The following CYREN variants were observed in gnomAD, a reference collection of about 807,000 sequenced individuals.
The protein encoded by CYREN is cell cycle regulator of NHEJ.
Under a neutral mutation model 9.7 loss-of-function variants are expected in CYREN, and 7 were observed. That is an observed-to-expected ratio of 0.72 (90% CI 0.41 to 1.36). The LOEUF is 1.36. Ranked by LOEUF, CYREN falls within the 40% of genes most tolerant of loss-of-function variation. The probability of loss-of-function intolerance (pLI) is 0.01; values close to 1 mark genes in which losing one functional copy is unlikely to be tolerated. For missense variants in CYREN, 215 were observed against 198.1 expected, an observed-to-expected ratio of 1.09 and a Z score of -0.51; for synonymous variants, 76 against 77.9, an observed-to-expected ratio of 0.98 and a Z score of 0.13.
At chr7:135,119,575 A>G (rs1826832897) in intron 2 of CYREN, among the ~76,000 whole-genome samples, 1 of 151,636 alleles carries the variant, frequency 6.6e-6, no homozygotes, top group African/African-American at 2.4e-5. Context: ...AAAAGAAAAA[A>G]CTATCGAAAG....
At chr7:135,126,051 A>G (rs1827827129) in intron 2 of CYREN, among the ~76,000 whole-genome samples, 1 of 152,212 alleles carries the variant, frequency 6.6e-6, no homozygotes, top group Admixed American at 6.5e-5. Context: ...CAGGGCAATC[A>G]GGCAAGAGAA....
intron 2 of CYREN, among the ~76,000 whole-genome samples, chr7:135,127,040 C>T (rs1827971737): frequency 6.6e-6 from 1 of 152,272 alleles, no homozygotes; most frequent in Admixed American, 6.5e-5. Flanking sequence ...TACTAAAGAG[C>T]TTCTGCATAG....
chr7:135,122,865 A>C (rs1827333326), intron 2 of CYREN, among the ~76,000 whole-genome samples: 1 of 152,182 alleles, frequency 6.6e-6, no homozygotes, highest in African/African-American at 2.4e-5. Context: ...ACAACAAACA[A>C]GCCCCCAGAA....
chr7:135,169,179 C>T lies in CYREN; in HGVS notation c.-138-119G>A, dbSNP rs566990691. ...CCCAAGAGACTCAGACGGCCATTCA[C>T]AGGCATCAGGCAGGTGTGATTGTGG... On this transcript the variant is annotated intron_variant, in intron 1 of 3. Transcript: ENST00000393114. The T allele has an allele frequency of 2.3e-5, 8 of 353,362 alleles. No individual in the cohort carries two copies. In the East Asian group the frequency reaches 4.2e-4, roughly 18 times the overall value. The allele number at this position is 353,362 out of a possible 1,614,324, so 21.9% of individuals were successfully genotyped here.
In CYREN at chr7:135,169,042, G is replaced by A; in HGVS notation, c.-120C>T. The A allele has an allele frequency of 1.1e-6, 1 of 949,160 alleles. No individual in the cohort carries two copies. The allele number at this position is 949,160 out of a possible 1,614,324, so 58.8% of individuals were successfully genotyped here. ...AATTACAGGTCCATTTGTCCTCAGT[G>A]GGAGTTGATCTTTGATTCCTACAAA... On this transcript the variant is annotated 5_prime_UTR_variant, in exon 2 of 4. Transcript: ENST00000393114.
rs370203373 is a variant in CYREN at position 135,123,414 on chromosome 7, A to G, written n.357-28832T>C. The stretch of plus-strand genomic sequence containing the variant: ...ACTTCATAAAAAGACTAAACCTACG[A>G]TTGATCAGAGTACCTGAGGGAGACG... On this transcript the variant is annotated intron_variant and non_coding_transcript_variant, in intron 2 of 2. Transcript: ENST00000459937. Among the ~76,000 whole-genome samples the G allele has an allele frequency of 2.8e-4, 42 of 152,320 alleles. No homozygotes were observed. The East Asian group carries it at 3.3e-3, about 12-fold the overall frequency.
intron 2 of CYREN, among the ~76,000 whole-genome samples, chr7:135,105,743 AT>A (rs376819913): frequency 1.9e-4 from 29 of 152,162 alleles, no homozygotes; most frequent in African/African-American, 7.0e-4. Context: ...TTTCCATATG[AT>A]TTTTACAATA....
chr7:135,141,219 T>G (rs1829447267), intron 2 of CYREN, among the ~76,000 whole-genome samples: 1 of 152,128 alleles, frequency 6.6e-6, no homozygotes, highest in Admixed American at 6.6e-5. Context: ...TTTTTATTAC[T>G]GATTCAATTT....
chr7:135,118,665 A>G (rs1484753715), intron 2 of CYREN, among the ~76,000 whole-genome samples: 2 of 152,250 alleles, frequency 1.3e-5, no homozygotes, highest in African/African-American at 4.8e-5. Context: ...AAACTGAAAA[A>G]AGACAATTAG....
At position 135,167,342 on chromosome 7, in the gene CYREN, AG is replaced by A. The variant is rs537254845; in HGVS notation, c.213+389del. ...ACTGCAATTATTACTGCAGGAAGCT[AG>A]GAAGCTCAGCATCCTCTGCTCAGGA... On this transcript the variant is annotated intron_variant, in intron 3 of 3. Transcript: ENST00000393114. 1.1e-5 allele frequency: 12 copies of A among 1,083,716 alleles called. No individual in the cohort carries two copies. In the South Asian group the frequency reaches 3.8e-4, roughly 34 times the overall value. The allele number at this position is 1,083,716 out of a possible 1,614,324, so 67.1% of individuals were successfully genotyped here.
intron 2 of CYREN, among the ~76,000 whole-genome samples, chr7:135,132,286 T>A (rs1828877776): frequency 6.6e-6 from 1 of 152,168 alleles, no homozygotes; most frequent in African/African-American, 2.4e-5. Flanking sequence ...GCAAATAGAA[T>A]TCAGCTCTAA....
At chr7:135,131,077 G>A (rs188339888) in intron 2 of CYREN, among the ~76,000 whole-genome samples, 204 of 152,202 alleles carry the variant, frequency 1.3e-3, no homozygotes, top group Non-Finnish European at 2.4e-3. Flanking sequence ...GATTGTCAAA[G>A]AGGATGCTTA....
intron 2 of CYREN, among the ~76,000 whole-genome samples, chr7:135,111,802 T>A (rs886414745): frequency 6.6e-6 from 1 of 152,182 alleles, no homozygotes; most frequent in Non-Finnish European, 1.5e-5. Context: ...TCTCACCACA[T>A]ACTTTATTTC....
intron 1 of CYREN, among the ~76,000 whole-genome samples, chr7:135,169,991 G>T (rs1304898727): frequency 6.6e-6 from 1 of 152,252 alleles, no homozygotes; most frequent in African/African-American, 2.4e-5. Flanking sequence ...AGTGATATTA[G>T]TGACTCCTAC....
At chr7:135,105,716 TTTTG>T (rs149214966) in intron 2 of CYREN, among the ~76,000 whole-genome samples, 1,994 of 152,304 alleles carry the variant, frequency 0.013, 40 homozygotes, top group African/African-American at 0.046. Context: ...CTATTTGGGC[TTTTG>T]TTTGTTTGTT....
intron 2 of CYREN, among the ~76,000 whole-genome samples, chr7:135,099,188 G>T (rs551906173): frequency 1.3e-4 from 19 of 151,344 alleles, no homozygotes; most frequent in Non-Finnish European, 2.5e-4. Context: ...TCCTAGATTG[G>T]CTCTAAAAAT....
At chr7:135,094,202 A>T (rs1481581793) in exon 3 of CYREN, 4 of 355,666 alleles carry the variant, frequency 1.1e-5, no homozygotes, top group Non-Finnish European at 1.7e-5. Context: ...TTTTAGCTGC[A>T]ACATGAATAA....
At chr7:135,171,333 A>G (rs1466145503), upstream of CYREN, among the ~76,000 whole-genome samples, 52 of 151,976 alleles carry the variant, frequency 3.4e-4, no homozygotes, top group African/African-American at 1.2e-3. Context: ...TTTTAAAAAA[A>G]AAAGGAAGTG....
Position 135,168,907 on chromosome 7 carries a change from A to C in CYREN, c.16T>G (p.Ser6Ala). The part of the protein sequence containing the change: METLQ[S>A]ETKTRVLPSW... ...GGAAGGACCCTCGTTTTAGTCTCGG[A>C]TTGTAAGGTTTCCATCTCTGTACCT... The change falls in exon 2 of 4, where the codon TCC becomes GCC. Residue 6 changes from serine to alanine, a missense_variant. By Grantham distance (99) the Ser-to-Ala change is moderately conservative (BLOSUM62 1). Transcript: ENST00000393114. 1 of 1,610,158 alleles carries C rather than the reference A, an allele frequency of 6.2e-7. No homozygotes were observed. Among genetic ancestry groups the C allele is most frequent in the Non-Finnish European group, 8.5e-7 (1 of 1,178,052 alleles).
Sources: allele counts gnomAD v4.1 joint callset (sites outside exome capture counted in the v4.1 genomes callset), GRCh38; gene constraint gnomAD v4.1.1; transcripts MANE v1.5; gene names NCBI Gene and HGNC (gene_info 2026-07-23, HGNC 2026-07-21).